ADCY2: variants seen among roughly 807,000 people sequenced by gnomAD.
ADCY2 encodes the protein adenylate cyclase 2, also known as adenylate cyclase type 2.
In ADCY2, 31 loss-of-function variants were observed where a neutral mutation model predicts 125.2. The ratio of observed to expected loss-of-function variants is 0.25; its 90% CI spans 0.19 to 0.33. The LOEUF is 0.33. Ranked by LOEUF, ADCY2 falls within the 10% of genes least tolerant of loss-of-function variation. ADCY2 has a pLI of 1.00. For missense variants in ADCY2, 904 were observed against 1,418.2 expected (o/e 0.64, Z 5.82); for synonymous variants, 512 against 548.4 (o/e 0.93, Z 0.93).
intron 3 of ADCY2, among the ~76,000 whole-genome samples, chr5:7,525,787 G>A (rs556943757): frequency 4.1e-4 from 62 of 152,186 alleles, no homozygotes; most frequent in Middle Eastern, 3.4e-3. Flanking sequence ...TTGATCAACC[G>A]TAAAAAATAC....
chr5:7,457,890 A>C (rs1049848593), intron 2 of ADCY2, among the ~76,000 whole-genome samples: 1 of 152,250 alleles, frequency 6.6e-6, no homozygotes, highest in Non-Finnish European at 1.5e-5. Context: ...TTGCAAAAGT[A>C]AAATAAATCT....
intron 12 of ADCY2, among the ~76,000 whole-genome samples, chr5:7,717,870 G>A (rs954984851): frequency 2.0e-5 from 3 of 152,200 alleles, no homozygotes; most frequent in African/African-American, 7.2e-5. Flanking sequence ...CTGAACCCAT[G>A]CAGAGCAGAA....
chr5:7,823,395 G>T (rs10474820), intron 24 of ADCY2, among the ~76,000 whole-genome samples: 82,135 of 152,020 alleles, frequency 0.54, 22,532 homozygotes, highest in Middle Eastern at 0.63. Context: ...CTTCTCCCTG[G>T]GGCTGGAGCT....
intron 22 of ADCY2, among the ~76,000 whole-genome samples, chr5:7,805,515 A>G (rs1744733060): frequency 6.6e-6 from 1 of 152,064 alleles, no homozygotes; most frequent in Non-Finnish European, 1.5e-5. Flanking sequence ...ACTTGTTGGA[A>G]TATTAGTAAA....
chr5:7,680,230 C>A (rs1354203773), intron 4 of ADCY2, among the ~76,000 whole-genome samples: 1 of 152,104 alleles, frequency 6.6e-6, no homozygotes, highest in Non-Finnish European at 1.5e-5. Context: ...GTCTTGCTGA[C>A]CTCTGGTGGG....
chr5:7,746,939 T>G (rs1358709665), intron 15 of ADCY2, among the ~76,000 whole-genome samples: 1 of 150,960 alleles, frequency 6.6e-6, no homozygotes, highest in Non-Finnish European at 1.5e-5. Context: ...CAACTGGCCT[T>G]GATAAAAAGG....
In ADCY2 at chr5:7,465,490, T is replaced by G. The variant is rs1005696398; in HGVS notation, c.408+50720T>G. Among the ~76,000 whole-genome samples the G allele has an allele frequency of 3.3e-5, 5 of 152,316 alleles. No individual in the cohort carries two copies. In the East Asian group the frequency reaches 5.8e-4, roughly 18 times the overall value. On this transcript the variant is annotated intron_variant, in intron 2 of 24. Coordinates refer to ENST00000338316, the MANE Select transcript of ADCY2 (RefSeq NM_020546.3). ...ACAAGCCTCCGTCTAATTCTGTGCTTCTTTGATTCACGGCGTGTGCACAGG... is the reference window on the plus strand; with the variant it reads ...ACAAGCCTCCGTCTAATTCTGTGCTGCTTTGATTCACGGCGTGTGCACAGG...
At chr5:7,560,303 A>G (rs1735668600) in intron 3 of ADCY2, among the ~76,000 whole-genome samples, 1 of 152,156 alleles carries the variant, frequency 6.6e-6, no homozygotes, top group Admixed American at 6.6e-5. Flanking sequence ...TTGCTCACTA[A>G]CTGGTGTGGT....
At chr5:7,576,283 G>A (rs928558604) in intron 3 of ADCY2, among the ~76,000 whole-genome samples, 3 of 152,194 alleles carry the variant, frequency 2.0e-5, no homozygotes, top group Non-Finnish European at 4.4e-5. Context: ...ATGACTCCTT[G>A]GGGGAGGGAC....
intron 4 of ADCY2, among the ~76,000 whole-genome samples, chr5:7,679,982 C>A (rs974802609): frequency 5.3e-5 from 8 of 151,968 alleles, no homozygotes; most frequent in Non-Finnish European, 1.0e-4. Flanking sequence ...TGGAGAGGTG[C>A]CATTCTGGAA....
At chr5:7,696,349 A>G (rs920512791) in intron 6 of ADCY2, among the ~76,000 whole-genome samples, 3 of 152,154 alleles carry the variant, frequency 2.0e-5, no homozygotes, top group African/African-American at 7.2e-5. Context: ...TCTCATTTTA[A>G]TCCTTTGATT....
At chr5:7,587,911 C>A (rs1782716736) in intron 3 of ADCY2, among the ~76,000 whole-genome samples, 1 of 152,036 alleles carries the variant, frequency 6.6e-6, no homozygotes, top group South Asian at 2.1e-4. Context: ...ATTAAAATGA[C>A]CAGGACAGGC....
intron 10 of ADCY2, among the ~76,000 whole-genome samples, chr5:7,712,304 C>G (rs1323367615): frequency 6.6e-6 from 1 of 152,030 alleles, no homozygotes; most frequent in Non-Finnish European, 1.5e-5. Context: ...AATTCTGTCT[C>G]TCTTCCATTT....
intron 2 of ADCY2, among the ~76,000 whole-genome samples, chr5:7,463,196 A>T (rs1463676397): frequency 6.6e-6 from 1 of 151,900 alleles, no homozygotes; most frequent in Non-Finnish European, 1.5e-5. Flanking sequence ...ATTACATGCC[A>T]TTTTTTTTGG....
At chr5:7,735,998 G>C (rs945274451) in intron 14 of ADCY2, among the ~76,000 whole-genome samples, 1 of 152,162 alleles carries the variant, frequency 6.6e-6, no homozygotes. Context: ...AAGAGTTTGA[G>C]ATCAGCCTGG....
intron 3 of ADCY2, among the ~76,000 whole-genome samples, chr5:7,564,925 G>C (rs888176490): frequency 1.3e-5 from 2 of 152,182 alleles, no homozygotes; most frequent in Non-Finnish European, 2.9e-5. Context: ...ACAACAGATC[G>C]TGGTGAATTC....
At chr5:7,769,281 C>A (rs1308993124) in intron 17 of ADCY2, among the ~76,000 whole-genome samples, 1 of 151,992 alleles carries the variant, frequency 6.6e-6, no homozygotes, top group Non-Finnish European at 1.5e-5. Flanking sequence ...TATGAAAATG[C>A]AAATTTTAAA....
chr5:7,414,942 G>A (rs894988610), intron 2 of ADCY2, among the ~76,000 whole-genome samples, 172 bp downstream of exon 2: 2 of 151,896 alleles, frequency 1.3e-5, no homozygotes, highest in Non-Finnish European at 2.9e-5. Context: ...AATTATAATT[G>A]TATGTATTAT....
chr5:7,589,516 A>AAAGAAAG (rs1313792543), intron 3 of ADCY2, among the ~76,000 whole-genome samples: 12 of 103,244 alleles, frequency 1.2e-4, no homozygotes, highest in East Asian at 2.9e-4. Context: ...GAAAGAAAAG[A>AAAGAAAG]AAAGAAAGAG....
Sources: gnomAD v4.1 joint callset for allele counts (sites outside exome capture counted in the v4.1 genomes callset) on GRCh38, gnomAD v4.1.1 for gene constraint, MANE v1.5 for transcripts, NCBI Gene and HGNC (gene_info 2026-07-23, HGNC 2026-07-21) for gene names.